Variants in DRG2 observed in about 807,000 individuals in gnomAD.
The protein encoded by DRG2 is developmentally-regulated GTP-binding protein 2.
A neutral mutation model predicts 53.4 loss-of-function variants in DRG2; 36 were observed. The ratio of observed to expected loss-of-function variants is 0.67; its 90% CI spans 0.52 to 0.89. The LOEUF is 0.89. Among genes scored for constraint, DRG2 ranks in the 40% least tolerant of loss-of-function variants. The pLI, the probability that DRG2 is intolerant of heterozygous loss-of-function variation, is 0.00. For missense variants in DRG2, 342 were observed against 481.2 expected (o/e 0.71, Z 2.71); for synonymous variants, 167 against 192.1 (o/e 0.87, Z 1.08).
Position 18,103,229 on chromosome 17 carries a change from G to A in DRG2, c.807-572G>A, listed in dbSNP as rs533299532. Among the ~76,000 whole-genome samples, 1 of 152,094 alleles carries A rather than the reference G, an allele frequency of 6.6e-6. No homozygotes were observed. Among genetic ancestry groups the A allele is most frequent in the Non-Finnish European group, 1.5e-5 (1 of 68,018 alleles). On this transcript the variant is annotated intron_variant, in intron 9 of 12. Transcript: ENST00000225729. The surrounding 1 kb of genome is among the most constrained non-coding windows in gnomAD (Gnocchi z 4.4). ...TACAGAGGTCAGGACACAGCTCGGG[G>A]TCACGGCGCAAACCTTCAAGCCACG...
rs563479788 is a variant in DRG2, at chr17:18,101,587, G to A, written c.726G>A (p.Leu242=). Residue 242 remains leucine, a synonymous_variant, in exon 8 of 13, where the codon CTG becomes CTA. Transcript: ENST00000225729. The part of the protein sequence containing the change: ...IVGNRVYMPC[L]YVYNKIDQIS... ...GCAACCGGGTGTACATGCCCTGCCT[G>A]TATGTAAGTGCAGGAGGGGAGCCCT... The A allele has an allele frequency of 1.2e-6, 2 of 1,614,040 alleles. No individual in the cohort carries two copies. Among genetic ancestry groups the A allele is most frequent in the African/African-American group, 1.3e-5 (1 of 75,036 alleles).
Position 18,106,627 on chromosome 17 carries a change from A to G in DRG2, c.1008+141A>G, listed in dbSNP as rs983882151. On this transcript the variant is annotated intron_variant, in intron 12 of 12. Transcript: ENST00000225729. ...TGGCATGTCTGTGTGTCTGTCCTCC[A>G]TAGAATGTACATGCCAACCCAGGGT... The G allele has an allele frequency of 1.1e-4, 102 of 926,094 alleles. No homozygotes were observed. In the Admixed American group the frequency reaches 2.1e-3, roughly 19 times the overall value. The allele number at this position is 926,094 out of a possible 1,614,324, so 57.4% of individuals were successfully genotyped here. A position where few individuals can be genotyped will look rare whatever the true frequency, so the allele number is the denominator to read the frequency against.
chr17:18,103,033 C>A lies in DRG2; in HGVS notation c.807-768C>A, dbSNP rs913963429. 7.2e-5 allele frequency among the ~76,000 whole-genome samples: 11 copies of A among 152,184 alleles called. No homozygotes were observed. Among genetic ancestry groups the A allele is most frequent in the Admixed American group, 7.2e-4 (11 of 15,280 alleles). The stretch of plus-strand genomic sequence containing the variant: ...GCAAATGATGGATGAGGGTCCCGGC[C>A]TGAGCACAAGGACCATTTTGTGGTG... On this transcript the variant is annotated intron_variant, in intron 9 of 12. Coordinates refer to ENST00000225729, the MANE Select transcript of DRG2 (RefSeq NM_001388.5). This position sits in a 1 kb window ranked among gnomAD's most constrained non-coding sequence, Gnocchi z 4.4.
In DRG2 at chr17:18,089,949, CA is replaced by C. The variant is rs554618481; in HGVS notation, c.64+1863del. 8.3e-3 allele frequency among the ~76,000 whole-genome samples: 1,262 copies of C among 152,124 alleles called. 18 individuals carry two copies. The highest frequency in any genetic ancestry group is 0.029 in the African/African-American group (1,189 of 41,476). ...GTGGGAGCTGGTGCAGGGTGTTAAG[CA>C]GGGGAGGGGCTATTCTGACTTCTGT... On this transcript the variant is annotated intron_variant, in intron 1 of 12. Coordinates refer to ENST00000225729, the MANE Select transcript of DRG2 (RefSeq NM_001388.5).
rs2045466425 is a variant in DRG2, at chr17:18,098,233, C to T, written c.226-37C>T. 1.9e-6 allele frequency: 3 copies of T among 1,583,640 alleles called. No homozygotes were observed. The East Asian group carries it at 6.7e-5, about 36-fold the overall frequency. The stretch of plus-strand genomic sequence containing the variant: ...GGGGCCTCTCCCAGAAGGCCAGGGA[C>T]AAGGCTCCTCAGTGCAATGATCTCC... On this transcript the variant is annotated intron_variant, in intron 2 of 12. Coordinates refer to ENST00000225729, the MANE Select transcript of DRG2 (RefSeq NM_001388.5). The surrounding 1 kb of genome is among the most constrained non-coding windows in gnomAD (Gnocchi z 4.1).
In DRG2 at chr17:18,106,465, G is replaced by A. The variant is rs769606283; in HGVS notation, c.987G>A (p.Gln329=). The change falls in exon 12 of 13, where the codon CAG becomes CAA. Residue 329 remains glutamine, a synonymous_variant. Coordinates refer to ENST00000225729, the MANE Select transcript of DRG2 (RefSeq NM_001388.5). ...GCATCCACCGGTCACTCGCCAGCCAGTTCAAGTACGCCCTGGTGTGGGTGA... is the reference window on the plus strand; with the variant it reads ...GCATCCACCGGTCACTCGCCAGCCAATTCAAGTACGCCCTGGTGTGGGTGA... ...CHRIHRSLAS[Q]FKYALVWGTS... 8.1e-6 allele frequency: 13 copies of A among 1,613,944 alleles called. No individual in the cohort carries two copies. Among genetic ancestry groups the A allele is most frequent in the Non-Finnish European group, 1.1e-5 (13 of 1,179,952 alleles).
chr17:18,098,502 C>A lies in DRG2; in HGVS notation c.315+143C>A. 1.4e-6 allele frequency: 1 copy of A among 701,308 alleles called. No individual in the cohort carries two copies. The highest frequency in any genetic ancestry group is 2.5e-6 in the Non-Finnish European group (1 of 403,014). The allele number at this position is 701,308 out of a possible 1,614,324, so 43.4% of individuals were successfully genotyped here. ...GACTGAGCTGCTTTGCCCTCCAGCA[C>A]TGACACTTCTGGGGATCCTAGCTGC... On this transcript the variant is annotated intron_variant, in intron 3 of 12. Coordinates refer to ENST00000225729, the MANE Select transcript of DRG2 (RefSeq NM_001388.5). The surrounding 1 kb of genome is among the most constrained non-coding windows in gnomAD (Gnocchi z 4.1).
Position 18,103,892 on chromosome 17 carries a change from G to C in DRG2, c.895+3G>C. ...CATCTACACCAAGAAGAGAGGACGT[G>C]AGTTGCACTGCGCGTAGCTGAAAAA... On this transcript the variant is annotated splice_donor_region_variant and intron_variant, in intron 10 of 12. Transcript: ENST00000225729. This position sits in a 1 kb window ranked among gnomAD's most constrained non-coding sequence, Gnocchi z 4.4. 1 of 1,613,864 alleles carries C rather than the reference G, an allele frequency of 6.2e-7. No homozygotes were observed. The highest frequency in any genetic ancestry group is 8.5e-7 in the Non-Finnish European group (1 of 1,179,810).
intron 1 of DRG2, among the ~76,000 whole-genome samples, chr17:18,092,950 T>C (rs2045360006): frequency 6.6e-6 from 1 of 152,228 alleles, no homozygotes; most frequent in Admixed American, 6.5e-5. Flanking sequence ...TCCCTTCATA[T>C]ACATAATAGT....
At chr17:18,088,880 G>C (rs1322881507) in intron 1 of DRG2, among the ~76,000 whole-genome samples, 1 of 152,178 alleles carries the variant, frequency 6.6e-6, no homozygotes, top group East Asian at 1.9e-4. Context: ...TATCCCAGGT[G>C]GGGGCCACTG....
rs200648354 is a variant in DRG2 at position 18,103,886 on chromosome 17, G to C, written c.892G>C (p.Gly298Arg). 3.1e-6 allele frequency: 5 copies of C among 1,614,038 alleles called. No individual in the cohort carries two copies. The East Asian group carries it at 1.1e-4, about 36-fold the overall frequency. ...ALTCIYTKKR[G>R]QRPDFTDAII... ...GACCTGCATCTACACCAAGAAGAGA[G>C]GACGTGAGTTGCACTGCGCGTAGCT... is the stretch of plus-strand genomic sequence containing the variant. The change falls in exon 10 of 13, where the codon GGA (glycine) becomes CGA (arginine). Residue 298 changes from glycine (G) to arginine (R), a missense_variant. Physicochemically the swap from Gly to Arg is moderately radical, Grantham distance 125 (BLOSUM62 -2). Coordinates refer to ENST00000225729, the MANE Select transcript of DRG2 (RefSeq NM_001388.5). The surrounding 1 kb of genome is among the most constrained non-coding windows in gnomAD (Gnocchi z 4.4).
At position 18,100,919 on chromosome 17, in the gene DRG2, G is replaced by A. The variant is rs2045521304; in HGVS notation, c.631+260G>A. 6.6e-6 allele frequency among the ~76,000 whole-genome samples: 1 copy of A among 152,184 alleles called. No homozygotes were observed. Among genetic ancestry groups the A allele is most frequent in the Non-Finnish European group, 1.5e-5 (1 of 68,034 alleles). ...ACATCCGGAAGAAAAAGATGTCATG[G>A]GAAACAGCCTCTGAGGACGGGGGGT... On this transcript the variant is annotated intron_variant, in intron 7 of 12. Coordinates refer to ENST00000225729, the MANE Select transcript of DRG2 (RefSeq NM_001388.5). This position sits in a 1 kb window ranked among gnomAD's most constrained non-coding sequence, Gnocchi z 4.1.
chr17:18,093,709 A>G, intron 1 of DRG2, 104 bp from the exon 2 acceptor site: 1 of 1,342,918 alleles, frequency 7.4e-7, no homozygotes, highest in Non-Finnish European at 1.0e-6. Context: ...TCTCCTTGAC[A>G]GCAGTTGCTT....
chr17:18,098,465 G>C lies in DRG2; in HGVS notation c.315+106G>C. ...AGTCTGGGTGGATGTCCCCATGTCAGGACAGGCTCTGGACTGAGCTGCTTT... is the reference window on the plus strand; with the variant it reads ...AGTCTGGGTGGATGTCCCCATGTCACGACAGGCTCTGGACTGAGCTGCTTT... On this transcript the variant is annotated intron_variant, in intron 3 of 12. Coordinates refer to ENST00000225729, the MANE Select transcript of DRG2 (RefSeq NM_001388.5). The surrounding 1 kb of genome is among the most constrained non-coding windows in gnomAD (Gnocchi z 4.1). The C allele has an allele frequency of 9.7e-7, 1 of 1,035,024 alleles. No individual in the cohort carries two copies. The highest frequency in any genetic ancestry group is 1.3e-5 in the South Asian group (1 of 75,162). The allele number at this position is 1,035,024 out of a possible 1,614,324, so 64.1% of individuals were successfully genotyped here. A position where few individuals can be genotyped will look rare whatever the true frequency, so the allele number is the denominator to read the frequency against.
chr17:18,107,319 CAG>C lies in DRG2; in HGVS notation c.*81_*82del, dbSNP rs2045661132. 6 of 1,382,376 alleles carry C rather than the reference CAG, an allele frequency of 4.3e-6. No homozygotes were observed. The highest frequency in any genetic ancestry group is 6.1e-6 in the Non-Finnish European group (6 of 989,000). 85.6% of individuals were successfully genotyped at this position (1,382,376 alleles called of 1,614,324 possible). A position where few individuals can be genotyped will look rare whatever the true frequency, so the allele number is the denominator to read the frequency against. Reference sequence around the variant, plus strand: ...CCACTGGGACACACAAACACCCAAACAGAAAAATACAAATACACGTACCCCAG... The same window carrying C: ...CCACTGGGACACACAAACACCCAAACAAAAATACAAATACACGTACCCCAG... On this transcript the variant is annotated 3_prime_UTR_variant, in exon 13 of 13. Transcript: ENST00000225729.
intron 11 of DRG2, 35 bp downstream of exon 11, chr17:18,104,716 G>C: frequency 1.2e-6 from 2 of 1,613,690 alleles, no homozygotes; most frequent in East Asian, 2.2e-5. Context: ...CAAGGGGTGG[G>C]AGCTCTGCAT....
At chr17:18,101,444 G>C in intron 7 of DRG2, 49 bp from the exon 8 acceptor site, 1 of 1,584,046 alleles carries the variant, frequency 6.3e-7, no homozygotes, top group South Asian at 1.1e-5. Flanking sequence ...CCGCTGATGG[G>C]GGACAGGGGC....
At chr17:18,095,871 C>T (rs186101884) in intron 2 of DRG2, 8 of 152,342 alleles carry the variant, frequency 5.3e-5, no homozygotes, top group African/African-American at 1.9e-4. Context: ...TTCCTTAGCT[C>T]CTCCCCACTG....
intron 7 of DRG2, 106 bp from the exon 8 acceptor site, chr17:18,101,387 C>T (rs776707133): frequency 1.5e-4 from 147 of 1,010,992 alleles, no homozygotes; most frequent in Middle Eastern, 2.5e-4. Flanking sequence ...GATACCGCCA[C>T]GGTCCCACAC....
Sources: gnomAD v4.1 joint callset for allele counts (sites outside exome capture counted in the v4.1 genomes callset) on GRCh38, gnomAD v4.1.1 for gene constraint, Gnocchi (gnomAD v3.1) non-coding constraint, MANE v1.5 for transcripts, NCBI Gene and HGNC (gene_info 2026-07-23, HGNC 2026-07-21) for gene names.